The following GASK1A variants were observed in gnomAD, a reference collection of about 807,000 sequenced individuals.
GASK1A encodes the protein Golgi-associated kinase 1A.
Under a neutral mutation model 41.2 loss-of-function variants are expected in GASK1A, and 40 were observed. The observed-to-expected ratio is 0.97, with a 90% CI of 0.75 to 1.27. The LOEUF is 1.27. Among genes scored for constraint, GASK1A ranks in the 50% most tolerant of loss-of-function variants. The pLI is 0.00. For missense variants in GASK1A, 678 were observed against 745.1 expected (o/e 0.91, Z 1.05); for synonymous variants, 316 against 307.1 (o/e 1.03, Z -0.30).
chr3:43,018,991 T>C (rs901353878), intron 1 of GASK1A, among the ~76,000 whole-genome samples: 1 of 152,212 alleles, frequency 6.6e-6, no homozygotes, highest in Non-Finnish European at 1.5e-5. Flanking sequence ...CTTGGGCCTC[T>C]CTGATTCTTT....
chr3:43,012,970 G>A (rs2089471275), intron 1 of GASK1A, among the ~76,000 whole-genome samples: 1 of 151,684 alleles, frequency 6.6e-6, no homozygotes, highest in Non-Finnish European at 1.5e-5. Flanking sequence ...TGAATCACAG[G>A]AAGAGGCAGT....
At chr3:42,985,558 TGTG>T (rs2089304247) in intron 1 of GASK1A, among the ~76,000 whole-genome samples, 8 of 140,728 alleles carry the variant, frequency 5.7e-5, no homozygotes, top group Admixed American at 1.4e-4. Context: ...TGTGTGTGTG[TGTG>T]TGTGTGTGTG....
intron 1 of GASK1A, among the ~76,000 whole-genome samples, chr3:43,025,406 G>A (rs573920152): frequency 1.3e-5 from 2 of 152,308 alleles, no homozygotes; most frequent in Admixed American, 1.3e-4. Flanking sequence ...ACAGAAGGAT[G>A]GGAATCCATA....
chr3:42,986,321 GAGAGGCTGTGA>G (rs2089309238), intron 1 of GASK1A, among the ~76,000 whole-genome samples: 1 of 152,192 alleles, frequency 6.6e-6, no homozygotes, highest in Admixed American at 6.5e-5. Context: ...GTTAGGGGTA[GAGAGGCTGTGA>G]TTACAAAGGG....
At chr3:43,038,256 G>A (rs1014427030) in intron 2 of GASK1A, among the ~76,000 whole-genome samples, 5 of 152,124 alleles carry the variant, frequency 3.3e-5, no homozygotes, top group Admixed American at 6.5e-5. Flanking sequence ...TGCATGGTTC[G>A]TAATTTTTGA....
Position 43,019,056 on chromosome 3 carries a change from A to G in GASK1A, c.4-13211A>G, listed in dbSNP as rs74574172. On this transcript the variant is annotated intron_variant, in intron 1 of 4. Coordinates refer to ENST00000430121, the MANE Select transcript of GASK1A (RefSeq NM_001129908.3). The stretch of plus-strand genomic sequence containing the variant: ...GGATGATAACAGTAGTACGTATCTC[A>G]TAAGACGGGCATGAGGATTAAATTA... 7.9e-5 allele frequency among the ~76,000 whole-genome samples: 12 copies of G among 152,374 alleles called. 1 individual carries two copies. The East Asian group carries it at 2.3e-3, about 29-fold the overall frequency.
intron 1 of GASK1A, among the ~76,000 whole-genome samples, chr3:43,002,386 C>T (rs894676272): frequency 2.4e-4 from 36 of 152,308 alleles, no homozygotes; most frequent in South Asian, 1.7e-3. Flanking sequence ...TCTGATCTCT[C>T]GTAAGTTGGG....
rs776273694 is a variant in GASK1A, at chr3:42,984,994, T to A, written c.3+5349T>A. 2.6e-5 allele frequency among the ~76,000 whole-genome samples: 4 copies of A among 152,120 alleles called. No homozygotes were observed. Among genetic ancestry groups the A allele is most frequent in the Non-Finnish European group, 4.4e-5 (3 of 68,028 alleles). ...TTGACTGTTATCTCTCGAGGCAAGC[T>A]CCTGGTGGAAGGTAGCTCAGGCTCT... On this transcript the variant is annotated intron_variant, in intron 1 of 4. Transcript: ENST00000430121. This position sits in a 1 kb window ranked among gnomAD's most constrained non-coding sequence, Gnocchi z 4.2.
At chr3:43,055,921 G>A (rs1451613693) in intron 4 of GASK1A, 14 of 501,650 alleles carry the variant, frequency 2.8e-5, no homozygotes, top group East Asian at 1.4e-4. Flanking sequence ...CTGGGATAGC[G>A]GAATTTATTC....
intron 1 of GASK1A, among the ~76,000 whole-genome samples, chr3:42,999,037 C>G (rs2089392494): frequency 6.6e-6 from 1 of 151,844 alleles, no homozygotes; most frequent in African/African-American, 2.4e-5. Flanking sequence ...GTGTGTATAG[C>G]TGAAATTAAA....
In GASK1A at chr3:43,033,096, T is replaced by A; in HGVS notation, c.833T>A (p.Val278Glu). 1 of 1,551,708 alleles carries A rather than the reference T, an allele frequency of 6.4e-7. No individual in the cohort carries two copies. Among genetic ancestry groups the A allele is most frequent in the South Asian group, 1.2e-5 (1 of 84,066 alleles). ...CGTCTGTTGGCACAGGGGGAGGTGG[T>A]GGACAAAGCCAGGGTCCCCGCCCAT... ...MLRLLAQGEV[V>E]DKARVPAHGQ... The change falls in exon 2 of 5, where the codon GTG (valine) becomes GAG (glutamate). Residue 278 changes from valine (V) to glutamate (E), a missense_variant. By Grantham distance (121) the Val-to-Glu change is moderately radical (BLOSUM62 -2). Transcript: ENST00000430121.
At chr3:43,030,499 T>C (rs1482924522) in intron 1 of GASK1A, among the ~76,000 whole-genome samples, 2 of 152,220 alleles carry the variant, frequency 1.3e-5, no homozygotes, top group Admixed American at 6.5e-5. Context: ...GGCTCAGAAT[T>C]GGAACTGCAG....
intron 3 of GASK1A, chr3:43,054,301 G>T (rs560829276): frequency 6.4e-6 from 1 of 156,210 alleles, no homozygotes; most frequent in African/African-American, 2.4e-5. Context: ...GCTTCAGGGA[G>T]GCCGCATCAC....
intron 1 of GASK1A, among the ~76,000 whole-genome samples, chr3:42,982,099 G>A (rs1182800822): frequency 6.6e-6 from 1 of 152,122 alleles, no homozygotes; most frequent in Non-Finnish European, 1.5e-5. Flanking sequence ...TATCTGCGGG[G>A]GCATTTTTGA....
At chr3:42,998,305 G>A (rs1436245303) in intron 1 of GASK1A, among the ~76,000 whole-genome samples, 1 of 152,126 alleles carries the variant, frequency 6.6e-6, no homozygotes, top group Admixed American at 6.5e-5. Flanking sequence ...AAGAGGTGGT[G>A]GGGGCAGGGC....
intron 2 of GASK1A, among the ~76,000 whole-genome samples, chr3:43,042,828 G>T (rs1164257307): frequency 1.3e-5 from 2 of 152,196 alleles, no homozygotes; most frequent in Non-Finnish European, 2.9e-5. Context: ...TGGTGCTGAG[G>T]CTTCTGGCCC....
At chr3:43,007,997 T>C in intron 1 of GASK1A, among the ~76,000 whole-genome samples, 1 of 152,172 alleles carries the variant, frequency 6.6e-6, no homozygotes, top group Non-Finnish European at 1.5e-5. Context: ...CTTGCTTGCT[T>C]GCTTGGAGAA....
chr3:43,027,570 G>A (rs1161457675), intron 1 of GASK1A, among the ~76,000 whole-genome samples: 1 of 151,952 alleles, frequency 6.6e-6, no homozygotes, highest in East Asian at 1.9e-4. Context: ...GAAAGGGAGG[G>A]CAAGGAGGGG....
Position 43,032,829 on chromosome 3 carries a change from C to G in GASK1A, c.566C>G (p.Ser189Cys), listed in dbSNP as rs2089584549. ...GCTTTACCGGCTTGGAGAGCTACTTCTGGGCTGACACTCTGGCCCCATACA... is the reference window on the plus strand; with the variant it reads ...GCTTTACCGGCTTGGAGAGCTACTTGTGGGCTGACACTCTGGCCCCATACA... Reference protein sequence around the residue: ...MAALPAWRATSGLTLWPHTAE... With the variant: ...MAALPAWRATCGLTLWPHTAE... The change falls in exon 2 of 5, where the codon TCT becomes TGT. Residue 189 changes from serine (S) to cysteine (C), a missense_variant. Coordinates refer to ENST00000430121, the MANE Select transcript of GASK1A (RefSeq NM_001129908.3). 1.9e-6 allele frequency: 3 copies of G among 1,548,814 alleles called. No individual in the cohort carries two copies. Among genetic ancestry groups the G allele is most frequent in the Non-Finnish European group, 2.6e-6 (3 of 1,146,960 alleles).
Sources: allele counts gnomAD v4.1 joint callset (sites outside exome capture counted in the v4.1 genomes callset), GRCh38; gene constraint gnomAD v4.1.1; non-coding constraint Gnocchi (gnomAD v3.1); transcripts MANE v1.5; gene names NCBI Gene and HGNC (gene_info 2026-07-23, HGNC 2026-07-21).